The following ASIC5 variants were observed in gnomAD, a reference collection of about 807,000 sequenced individuals.
ASIC5 encodes the protein bile acid-sensitive ion channel.
A neutral mutation model predicts 51.2 loss-of-function variants in ASIC5; 52 were observed. That is an observed-to-expected ratio of 1.02 (90% CI 0.81 to 1.28). The LOEUF is 1.28. ASIC5 is among the 50% of genes most tolerant of loss of function. The probability of loss-of-function intolerance (pLI) is 0.00; values close to 1 mark genes in which losing one functional copy is unlikely to be tolerated. For missense variants in ASIC5, 635 were observed against 595.0 expected (o/e 1.07, Z -0.70); for synonymous variants, 231 against 200.7 (o/e 1.15, Z -1.28).
intron 8 of ASIC5, among the ~76,000 whole-genome samples, chr4:155,833,659 T>C (rs559195730): frequency 5.9e-5 from 9 of 152,340 alleles, no homozygotes; most frequent in Admixed American, 6.5e-5. Context: ...TGCTCCTAAT[T>C]TGCATGTGCA....
chr4:155,831,932 G>C lies in ASIC5; in HGVS notation c.1236-17C>G. On this transcript the variant is annotated splice_polypyrimidine_tract_variant and intron_variant, in intron 8 of 9. Coordinates refer to ENST00000537611, the MANE Select transcript of ASIC5 (RefSeq NM_017419.3). ...AGATTCTCCCTAGGGATAAAAAAGA[G>C]AGTTAATATAGCTTAAGATTGTCAG... 7.8e-7 allele frequency: 1 copy of C among 1,285,334 alleles called. No individual in the cohort carries two copies. The highest frequency in any genetic ancestry group is 2.3e-5 in the East Asian group (1 of 42,868). 79.6% of individuals were successfully genotyped at this position (1,285,334 alleles called of 1,614,324 possible). A position where few individuals can be genotyped will look rare whatever the true frequency, so the allele number is the denominator to read the frequency against.
chr4:155,859,949 T>G (rs1741654525), intron 2 of ASIC5, among the ~76,000 whole-genome samples: 1 of 152,068 alleles, frequency 6.6e-6, no homozygotes, highest in South Asian at 2.1e-4. Flanking sequence ...TGGCTTGTCA[T>G]ACACATATTT....
chr4:155,850,322 GCTT>G (rs113264132), intron 4 of ASIC5, among the ~76,000 whole-genome samples: 24 of 151,988 alleles, frequency 1.6e-4, no homozygotes, highest in African/African-American at 5.8e-4. Flanking sequence ...CCTCCTCCCT[GCTT>G]CAAGTTGTCC....
intron 4 of ASIC5, among the ~76,000 whole-genome samples, chr4:155,845,714 G>A (rs1352257311): frequency 2.0e-5 from 3 of 151,946 alleles, no homozygotes; most frequent in South Asian, 2.1e-4. Context: ...TTATGATAGA[G>A]TTCTATAATT....
At position 155,831,921 on chromosome 4, in the gene ASIC5, G is replaced by A. The variant is rs1740879170; in HGVS notation, c.1236-6C>T. On this transcript the variant is annotated splice_polypyrimidine_tract_variant and splice_region_variant and intron_variant, in intron 8 of 9. Coordinates refer to ENST00000537611, the MANE Select transcript of ASIC5 (RefSeq NM_017419.3). ...CAATTTTTACAAGATTCTCCCTAGG[G>A]ATAAAAAAGAGAGTTAATATAGCTT... 4.2e-6 allele frequency: 6 copies of A among 1,430,632 alleles called. No individual in the cohort carries two copies. The highest frequency in any genetic ancestry group is 5.9e-6 in the Non-Finnish European group (6 of 1,020,910). 88.6% of individuals were successfully genotyped at this position (1,430,632 alleles called of 1,614,324 possible). A position where few individuals can be genotyped will look rare whatever the true frequency, so the allele number is the denominator to read the frequency against.
intron 7 of ASIC5, among the ~76,000 whole-genome samples, chr4:155,837,277 T>A (rs866718035): frequency 1.3e-5 from 2 of 152,228 alleles, no homozygotes; most frequent in Non-Finnish European, 1.5e-5. Flanking sequence ...TGTGTAAACA[T>A]CTTCAGATTT....
chr4:155,853,674 A>AT (rs1741447944), intron 3 of ASIC5, among the ~76,000 whole-genome samples: 7 of 149,960 alleles, frequency 4.7e-5, no homozygotes, highest in Admixed American at 3.3e-4. Context: ...GGATCCTCTT[A>AT]TTTTCTATAG....
Position 155,831,861 on chromosome 4 carries a change from G to A in ASIC5, c.1290C>T (p.Thr430=). ...INYSDLNYKI[T]QQQKAVSVSE... is the part of the protein sequence containing the mutation. ...ACACACTCACCGCCTTTTGCTGCTGGGTTATCTTATAGTTTAGGTCACTAT... is the reference window on the plus strand; with the variant it reads ...ACACACTCACCGCCTTTTGCTGCTGAGTTATCTTATAGTTTAGGTCACTAT... The change falls in exon 9 of 10, where the codon ACC becomes ACT. Residue 430 remains threonine (T), a synonymous_variant. Coordinates refer to ENST00000537611, the MANE Select transcript of ASIC5 (RefSeq NM_017419.3). 1 of 1,608,288 alleles carries A rather than the reference G, an allele frequency of 6.2e-7. No homozygotes were observed. Among genetic ancestry groups the A allele is most frequent in the Non-Finnish European group, 8.5e-7 (1 of 1,175,430 alleles).
At chr4:155,849,208 A>G (rs533869050) in intron 4 of ASIC5, among the ~76,000 whole-genome samples, 1 of 152,164 alleles carries the variant, frequency 6.6e-6, no homozygotes, top group South Asian at 2.1e-4. Flanking sequence ...GAGTCCCTGT[A>G]CAGGGTTTCT....
At chr4:155,830,092 A>T (rs1030941060) in intron 9 of ASIC5, 46 bp from the exon 10 acceptor site, 50 of 1,336,720 alleles carry the variant, frequency 3.7e-5, no homozygotes, top group Non-Finnish European at 4.0e-5. Context: ...TTTTCATAAA[A>T]AACAAATATT....
chr4:155,843,942 TTTATG>T lies in ASIC5; in HGVS notation c.712-117_712-113del, dbSNP rs1741180092. ...ATAGCGTTTGACTAATCCTAAATAT[TTTATG>T]TTATATTTCTATCTCTTTTTGTCTA... On this transcript the variant is annotated intron_variant, in intron 4 of 9. Coordinates refer to ENST00000537611, the MANE Select transcript of ASIC5 (RefSeq NM_017419.3). 1.7e-5 allele frequency: 16 copies of T among 939,096 alleles called. 1 individual carries two copies. The Middle Eastern group carries it at 9.6e-4, about 56-fold the overall frequency. The allele number at this position is 939,096 out of a possible 1,614,324, so 58.2% of individuals were successfully genotyped here.
At chr4:155,858,702 G>A (rs1272247591) in intron 2 of ASIC5, 2 of 152,088 alleles carry the variant, frequency 1.3e-5, no homozygotes, top group Non-Finnish European at 2.9e-5. Context: ...AAAAAGGGGA[G>A]GGTGGATAAT....
intron 2 of ASIC5, among the ~76,000 whole-genome samples, chr4:155,855,725 T>C (rs1741519502): frequency 6.7e-6 from 1 of 149,336 alleles, no homozygotes; most frequent in African/African-American, 2.4e-5. Flanking sequence ...TCTATATGTG[T>C]GTGTATATAT....
chr4:155,863,848 G>A (rs1157441860), intron 1 of ASIC5, 94 bp from the exon 2 acceptor site: 5 of 999,450 alleles, frequency 5.0e-6, no homozygotes, highest in Admixed American at 2.6e-5. Context: ...ATAATTTAAA[G>A]AGGTGACTCT....
chr4:155,853,228 A>C (rs1579294262), intron 3 of ASIC5, among the ~76,000 whole-genome samples: 1 of 152,090 alleles, frequency 6.6e-6, no homozygotes, highest in African/African-American at 2.4e-5. Flanking sequence ...TTCCAAGTTA[A>C]GAGTTTAGGC....
intron 2 of ASIC5, among the ~76,000 whole-genome samples, chr4:155,859,360 C>A (rs75739959): frequency 0.016 from 2,491 of 151,734 alleles, 57 homozygotes; most frequent in African/African-American, 0.056. Context: ...TGTTTGATTT[C>A]ATGACTATTA....
chr4:155,859,305 T>G (rs369753225), intron 2 of ASIC5, among the ~76,000 whole-genome samples: 1 of 152,096 alleles, frequency 6.6e-6, no homozygotes, highest in Admixed American at 6.6e-5. Flanking sequence ...TATTTTATTT[T>G]TTAACATTTT....
At chr4:155,836,379 T>A (rs1186444168) in intron 8 of ASIC5, among the ~76,000 whole-genome samples, 3 of 152,204 alleles carry the variant, frequency 2.0e-5, no homozygotes, top group African/African-American at 7.2e-5. Flanking sequence ...GGTAGGAAAT[T>A]TTCATATTTT....
rs148475825 is a variant in ASIC5, at chr4:155,836,776, G to A, written c.1148C>T (p.Pro383Leu). Residue 383 changes from proline to leucine, a missense_variant, in exon 8 of 10, where the codon CCG becomes CTG. Coordinates refer to ENST00000537611, the MANE Select transcript of ASIC5 (RefSeq NM_017419.3). ...AAAAGAGGAATAAGAAATAGTGGCCGGGTATTCTATTTCTTCACAAGAAAC... is the reference window on the plus strand; with the variant it reads ...AAAAGAGGAATAAGAAATAGTGGCCAGGTATTCTATTTCTTCACAAGAAAC... ...CPVSCEEIEY[P>L]ATISYSSFPS... 80 of 1,602,408 alleles carry A rather than the reference G, an allele frequency of 5.0e-5. No individual in the cohort carries two copies. The highest frequency in any genetic ancestry group is 3.0e-4 in the Admixed American group (18 of 59,942).
Sources: allele counts gnomAD v4.1 joint callset (sites outside exome capture counted in the v4.1 genomes callset), GRCh38; gene constraint gnomAD v4.1.1; transcripts MANE v1.5; gene names NCBI Gene and HGNC (gene_info 2026-07-23, HGNC 2026-07-21).